The following SPOCK1 variants were observed in gnomAD, a reference collection of about 807,000 sequenced individuals.
SPOCK1 encodes the protein SPARC (osteonectin), cwcv and kazal like domains proteoglycan 1.
In SPOCK1, 23 loss-of-function variants were observed where a neutral mutation model predicts 55.3. The observed-to-expected ratio is 0.42, with a 90% confidence interval of 0.30 to 0.59. The LOEUF (loss-of-function observed/expected upper bound fraction) is 0.59. Ranked by LOEUF, SPOCK1 falls within the 20% of genes least tolerant of loss-of-function variation. The probability of loss-of-function intolerance (pLI) is 0.22; values close to 1 mark genes in which losing one functional copy is unlikely to be tolerated. For synonymous variants in SPOCK1, 226 were observed against 221.0 expected, an observed-to-expected ratio of 1.02 and a Z score of -0.20; for missense variants, 499 against 552.5, an observed-to-expected ratio of 0.90 and a Z score of 0.97.
chr5:137,240,242 T>G (rs2961630), intron 3 of SPOCK1, among the ~76,000 whole-genome samples: 1 of 152,088 alleles, frequency 6.6e-6, no homozygotes, highest in Non-Finnish European at 1.5e-5. Flanking sequence ...TATCTGAGAC[T>G]GTGGTAATTT....
intron 4 of SPOCK1, among the ~76,000 whole-genome samples, chr5:137,131,110 G>C (rs2127044530): frequency 6.6e-6 from 1 of 152,336 alleles, no homozygotes; most frequent in South Asian, 2.1e-4. Context: ...TATCCATAAA[G>C]AATGTCTTTC....
chr5:137,262,168 A>C (rs1346338287), intron 3 of SPOCK1, among the ~76,000 whole-genome samples: 1 of 152,174 alleles, frequency 6.6e-6, no homozygotes. Context: ...CATTACCTTT[A>C]TTTTATTTTT....
chr5:136,997,889 G>A (rs1370477294), intron 6 of SPOCK1, among the ~76,000 whole-genome samples: 1 of 152,072 alleles, frequency 6.6e-6, no homozygotes, highest in African/African-American at 2.4e-5. Flanking sequence ...CCCAGCACTG[G>A]GGACCCAGCA....
At chr5:136,983,619 C>CAAAAAAAAAAAAAAAAAAAAAA in intron 9 of SPOCK1, among the ~76,000 whole-genome samples, 1 of 135,340 alleles carries the variant, frequency 7.4e-6, no homozygotes, top group Non-Finnish European at 1.6e-5. Flanking sequence ...CTCCTTGGAC[C>CAAAAAAAAAAAAAAAAAAAAAA]AAAAAAAAAA....
At chr5:137,233,781 C>T (rs529078598) in intron 3 of SPOCK1, among the ~76,000 whole-genome samples, 1 of 116,440 alleles carries the variant, frequency 8.6e-6, no homozygotes, top group East Asian at 2.9e-4. Context: ...ATCTCACTTA[C>T]TGATTCTAGG....
intron 2 of SPOCK1, among the ~76,000 whole-genome samples, chr5:137,480,266 G>A (rs1753920657): frequency 6.7e-6 from 1 of 150,358 alleles, no homozygotes; most frequent in Non-Finnish European, 1.5e-5. Flanking sequence ...GTTTATGACT[G>A]GTCTTAGAAA....
chr5:137,398,254 T>C (rs905427463), intron 2 of SPOCK1, among the ~76,000 whole-genome samples: 3 of 152,086 alleles, frequency 2.0e-5, no homozygotes, highest in Admixed American at 2.0e-4. Context: ...TGACAATAAT[T>C]TGTGACTTTG....
intron 2 of SPOCK1, among the ~76,000 whole-genome samples, chr5:137,386,965 A>G (rs1420525072): frequency 6.6e-6 from 1 of 152,240 alleles, no homozygotes; most frequent in Non-Finnish European, 1.5e-5. Context: ...CAACAATAAG[A>G]AAATAGACAA....
At chr5:137,442,931 T>C (rs2080344285) in intron 2 of SPOCK1, among the ~76,000 whole-genome samples, 1 of 152,178 alleles carries the variant, frequency 6.6e-6, no homozygotes, top group South Asian at 2.1e-4. Context: ...AACAGAGAAA[T>C]GAGCCCAGTG....
intron 2 of SPOCK1, among the ~76,000 whole-genome samples, chr5:137,320,035 C>G (rs532511209): frequency 6.6e-6 from 1 of 151,582 alleles, no homozygotes; most frequent in Non-Finnish European, 1.5e-5. Context: ...GTCACAGTAC[C>G]CCAGGCAACT....
intron 3 of SPOCK1, among the ~76,000 whole-genome samples, chr5:137,197,041 A>T (rs1185856364): frequency 2.0e-5 from 3 of 152,230 alleles, no homozygotes; most frequent in Non-Finnish European, 4.4e-5. Flanking sequence ...ATGTGCCAGG[A>T]TACCCACCTG....
intron 5 of SPOCK1, among the ~76,000 whole-genome samples, chr5:137,106,689 C>A (rs1753376323): frequency 6.6e-6 from 1 of 152,164 alleles, no homozygotes; most frequent in South Asian, 2.1e-4. Flanking sequence ...CTCACAGTCA[C>A]CCTGCCTCCA....
chr5:137,289,576 G>T (rs1001621154), intron 2 of SPOCK1, among the ~76,000 whole-genome samples: 3 of 152,204 alleles, frequency 2.0e-5, no homozygotes, highest in Admixed American at 6.5e-5. Flanking sequence ...GTTGGTTGAA[G>T]CTAGAACAAA....
intron 2 of SPOCK1, among the ~76,000 whole-genome samples, chr5:137,356,834 TATATAG>T (rs1401528803): frequency 7.4e-4 from 7 of 9,464 alleles, no homozygotes; most frequent in Middle Eastern, 0.042. Context: ...TATATATATA[TATATAG>T]AGAGAGAGAG....
At chr5:137,107,955 T>C (rs774369987) in intron 5 of SPOCK1, among the ~76,000 whole-genome samples, 1 of 152,234 alleles carries the variant, frequency 6.6e-6, no homozygotes, top group Non-Finnish European at 1.5e-5. Flanking sequence ...TTGCCAAAAC[T>C]AATTTTTATG....
In SPOCK1 at chr5:136,979,107, TTGTC is replaced by T. The variant is rs536725354; in HGVS notation, c.1129+221_1129+224del. Among the ~76,000 whole-genome samples the T allele has an allele frequency of 4.2e-3, 640 of 152,274 alleles. 4 individuals carry two copies. The highest frequency in any genetic ancestry group is 7.4e-3 in the Non-Finnish European group (500 of 68,002). ...AAGTGAAGGCAGCCTAAGTCACCCT[TTGTC>T]TGCAGCAGTTCTGTCTCTCTTCTCT... On this transcript the variant is annotated intron_variant, in intron 10 of 10. Coordinates refer to ENST00000394945, the MANE Select transcript of SPOCK1 (RefSeq NM_004598.4).
rs1051758634 is a variant in SPOCK1 at position 137,149,994 on chromosome 5, G to T, written c.233-9300C>A. Among the ~76,000 whole-genome samples the T allele has an allele frequency of 3.3e-5, 5 of 152,204 alleles. No individual in the cohort carries two copies. The East Asian group carries it at 9.7e-4, about 29-fold the overall frequency. ...AAGGTTTTCTAGCACAGGGCCTGGC[G>T]CACAGTTCATGCTCATTTATTATCC... On this transcript the variant is annotated intron_variant, in intron 3 of 10. Transcript: ENST00000394945.
At chr5:137,423,065 G>C (rs1752536590) in intron 2 of SPOCK1, among the ~76,000 whole-genome samples, 2 of 152,226 alleles carry the variant, frequency 1.3e-5, no homozygotes, top group African/African-American at 4.8e-5. Flanking sequence ...GACCCTGTTT[G>C]CCTGGGTATC....
At chr5:137,121,796 T>C (rs1488013760) in intron 4 of SPOCK1, among the ~76,000 whole-genome samples, 1 of 146,730 alleles carries the variant, frequency 6.8e-6, no homozygotes, top group African/African-American at 2.5e-5. Context: ...CTAATATCCT[T>C]ATTATCCCTA....
Sources: allele counts gnomAD v4.1 joint callset (sites outside exome capture counted in the v4.1 genomes callset), GRCh38; gene constraint gnomAD v4.1.1; transcripts MANE v1.5; gene names NCBI Gene and HGNC (gene_info 2026-07-23, HGNC 2026-07-21).